Variants in CLCNKA observed in about 807,000 individuals in gnomAD.
CLCNKA encodes chloride voltage-gated channel Ka, also known as chloride channel protein ClC-Ka.
CLCNKA carries 66 observed loss-of-function variants against 83.3 expected under a neutral mutation model. The ratio of observed to expected loss-of-function variants is 0.79; its 90% CI spans 0.65 to 0.97. CLCNKA has a LOEUF of 0.97. Ranked by LOEUF, CLCNKA falls within the 50% of genes least tolerant of loss-of-function variation. CLCNKA has a pLI of 0.00. For synonymous variants in CLCNKA, 357 were observed against 370.4 expected (o/e 0.96, Z 0.42); for missense variants, 806 against 888.7 (o/e 0.91, Z 1.18).
Position 16,030,525 on chromosome 1 carries a change from G to T in CLCNKA, c.1473G>T (p.Leu491=). 1 of 1,613,118 alleles carries T rather than the reference G, an allele frequency of 6.2e-7. No homozygotes were observed. Among genetic ancestry groups the T allele is most frequent in the East Asian group, 2.2e-5 (1 of 44,882 alleles). The change falls in exon 15 of 20, where the codon CTG becomes CTT. Residue 491 remains leucine, a synonymous_variant. Coordinates refer to ENST00000331433, the MANE Select transcript of CLCNKA (RefSeq NM_004070.4). ...TISTALLAFE[L]TGQIVHALPV... ...CCACGGCGCTGCTGGCCTTTGAGCT[G>T]ACCGGCCAGATAGTGCATGCACTGC... is the stretch of plus-strand genomic sequence containing the variant.
intron 8 of CLCNKA, 46 bp from the exon 9 acceptor site, chr1:16,027,775 T>C (rs745988725): frequency 1.3e-6 from 2 of 1,530,298 alleles, no homozygotes; most frequent in African/African-American, 2.7e-5. Flanking sequence ...TGAGTTTGGG[T>C]CGGGTGGGAG....
chr1:16,032,619 G>A (rs1413135517), intron 18 of CLCNKA, 93 bp downstream of exon 18: 12 of 945,778 alleles, frequency 1.3e-5, no homozygotes, highest in African/African-American at 6.4e-5. Context: ...TCCCAACCCC[G>A]CCCCGCCCAT....
rs1459106431 is a variant in CLCNKA at position 16,024,904 on chromosome 1, T to C, written c.358+13T>C. 6 of 1,613,830 alleles carry C rather than the reference T, an allele frequency of 3.7e-6. No homozygotes were observed. The African/African-American group carries it at 8.0e-5, about 22-fold the overall frequency. ...CCCTCCTCTGGAGGTGAGTCCACGG[T>C]CGCCATGCCAGTCCCCAGTGCCAAA... On this transcript the variant is annotated intron_variant, in intron 4 of 19. Coordinates refer to ENST00000331433, the MANE Select transcript of CLCNKA (RefSeq NM_004070.4).
intron 4 of CLCNKA, 111 bp from the exon 5 acceptor site, chr1:16,025,980 TCCTGACCTCGCGATCCG>T: frequency 8.0e-7 from 1 of 1,246,202 alleles, no homozygotes; most frequent in South Asian, 1.2e-5. Flanking sequence ...GGTCTCGAAC[TCCTGACCTCGCGATCCG>T]CCTGCCTCGG....
rs757434753 is a variant in CLCNKA, at chr1:16,026,768, C to T, written c.648C>T (p.Pro216=). ...AVGVATVFAA[P]FSGVLFSIEV... is the part of the protein sequence containing the mutation. Reference sequence around the variant, plus strand: ...GCGTGGCCACAGTCTTTGCAGCTCCCTTCAGCGGTGAGACCCCCCTCATGC... The same window carrying T: ...GCGTGGCCACAGTCTTTGCAGCTCCTTTCAGCGGTGAGACCCCCCTCATGC... Residue 216 remains proline (P), a synonymous_variant, in exon 7 of 20, where the codon CCC becomes CCT. Transcript: ENST00000331433. 2.5e-6 allele frequency: 4 copies of T among 1,604,614 alleles called. No homozygotes were observed. The East Asian group carries it at 6.7e-5, about 27-fold the overall frequency.
intron 9 of CLCNKA, 27 bp downstream of exon 9, chr1:16,027,932 A>G: frequency 8.7e-6 from 14 of 1,613,886 alleles, no homozygotes; most frequent in Non-Finnish European, 1.2e-5. Flanking sequence ...GGCCCCTGAG[A>G]GTCCAAAAGG....
chr1:16,029,418 T>A, intron 12 of CLCNKA, 119 bp downstream of exon 12: 1 of 1,469,730 alleles, frequency 6.8e-7, no homozygotes, highest in East Asian at 2.4e-5. Flanking sequence ...CACTTCCTTC[T>A]GTGCCCCCTG....
chr1:16,024,155 C>G (rs1351884540), intron 3 of CLCNKA, among the ~76,000 whole-genome samples: 2 of 152,216 alleles, frequency 1.3e-5, no homozygotes, highest in East Asian at 1.9e-4. Flanking sequence ...TCCCAAGAGC[C>G]CTTCCTCCTC....
chr1:16,024,778 A>T lies in CLCNKA; in HGVS notation c.245A>T (p.Tyr82Phe), dbSNP rs374561249. 1 of 1,613,936 alleles carries T rather than the reference A, an allele frequency of 6.2e-7. No individual in the cohort carries two copies. Among genetic ancestry groups the T allele is most frequent in the Non-Finnish European group, 8.5e-7 (1 of 1,180,022 alleles). The change falls in exon 4 of 20, where the codon TAC becomes TTC. Residue 82 changes from tyrosine (Y) to phenylalanine (F), a missense_variant. Physicochemically the swap from Tyr to Phe is conservative, Grantham distance 22 (BLOSUM62 3). Coordinates refer to ENST00000331433, the MANE Select transcript of CLCNKA (RefSeq NM_004070.4). ...GCVVRAHQWLYREIGDSHLLR... is the reference protein window; with the variant it reads ...GCVVRAHQWLFREIGDSHLLR... The stretch of plus-strand genomic sequence containing the variant: ...CTGTCCCCAGCACACCAGTGGCTGT[A>T]CAGGGAGATTGGGGACAGCCACCTG...
chr1:16,032,492 C>T lies in CLCNKA; in HGVS notation c.1895C>T (p.Thr632Ile), dbSNP rs1330012507. ...AGGGGCTGCCCCACGGAACCAGTGA[C>T]CCTGACGCTATTCTCAGAGACCACC... is the stretch of plus-strand genomic sequence containing the variant. ...LARGCPTEPV[T>I]LTLFSETTLH... Residue 632 changes from threonine to isoleucine, a missense_variant, in exon 18 of 20, where the codon ACC becomes ATC. Coordinates refer to ENST00000331433, the MANE Select transcript of CLCNKA (RefSeq NM_004070.4). 3 of 1,613,300 alleles carry T rather than the reference C, an allele frequency of 1.9e-6. No homozygotes were observed. Among genetic ancestry groups the T allele is most frequent in the Admixed American group, 3.3e-5 (2 of 60,024 alleles).
intron 3 of CLCNKA, among the ~76,000 whole-genome samples, chr1:16,024,196 CG>C (rs2022255670): frequency 1.3e-5 from 2 of 152,236 alleles, no homozygotes; most frequent in Admixed American, 1.3e-4. Flanking sequence ...CCAGCCACCC[CG>C]TTCCTTCTCC....
rs9442216 is a variant in CLCNKA, at chr1:16,026,905, T to C, written c.655+130T>C. On this transcript the variant is annotated intron_variant, in intron 7 of 19. Coordinates refer to ENST00000331433, the MANE Select transcript of CLCNKA (RefSeq NM_004070.4). ...ATTCTTGTTCTCACTTCAGCCCCGC[T>C]TTGGGTATAGCCACCCCCCGGGGGC... 879,142 of 1,286,236 alleles carry C rather than the reference T, an allele frequency of 0.68. 303,533 individuals are homozygous for C. The highest frequency in any genetic ancestry group is 0.98 in the East Asian group (39,086 of 39,798). 79.7% of individuals were successfully genotyped at this position (1,286,236 alleles called of 1,614,324 possible).
rs1448765921 is a variant in CLCNKA at position 16,027,824 on chromosome 1, C to A, written c.785C>A (p.Thr262Asn). ...CCCCACTGCCCTCCTTCCCCAGAGACCATCACCTCCCTCTACAAGACCAGT... is the reference window on the plus strand; with the variant it reads ...CCCCACTGCCCTCCTTCCCCAGAGAACATCACCTCCCTCTACAAGACCAGT... ...LLAVFNSEQETITSLYKTSFR... is the reference protein window; with the variant it reads ...LLAVFNSEQENITSLYKTSFR... Residue 262 changes from threonine (T) to asparagine (N), a missense_variant, in exon 9 of 20, where the codon ACC (threonine) becomes AAC (asparagine). Coordinates refer to ENST00000331433, the MANE Select transcript of CLCNKA (RefSeq NM_004070.4). 2 of 1,609,922 alleles carry A rather than the reference C, an allele frequency of 1.2e-6. No homozygotes were observed. Among genetic ancestry groups the A allele is most frequent in the African/African-American group, 2.7e-5 (2 of 74,776 alleles).
Position 16,023,751 on chromosome 1 carries a change from C to A in CLCNKA, c.101-49C>A, listed in dbSNP as rs751691645. ...AGCAGACCTCCAGGGAAGGGGCTGT[C>A]TGTGCCCCTTGCCCCAACATAAGCT... On this transcript the variant is annotated intron_variant, in intron 2 of 19. Transcript: ENST00000331433. 1.9e-6 allele frequency: 3 copies of A among 1,610,714 alleles called. No homozygotes were observed. In the South Asian group the frequency reaches 3.3e-5, roughly 18 times the overall value.
intron 7 of CLCNKA, 125 bp downstream of exon 7, chr1:16,026,900 C>T: frequency 1.5e-6 from 2 of 1,354,864 alleles, no homozygotes; most frequent in South Asian, 1.2e-5. Flanking sequence ...TCACTTCAGC[C>T]CCGCTTTGGG....
intron 5 of CLCNKA, 52 bp downstream of exon 5, chr1:16,026,299 C>T: frequency 6.2e-7 from 1 of 1,601,776 alleles, no homozygotes; most frequent in Middle Eastern, 1.8e-4. Context: ...CTACCCTGCC[C>T]CAGCTCTCCC....
rs1433741172 is a variant in CLCNKA at position 16,030,510 on chromosome 1, G to C, written c.1458G>C (p.Leu486=). ...TGACCCACACCATCTCCACGGCGCT[G>C]CTGGCCTTTGAGCTGACCGGCCAGA... ...GAVTHTISTA[L]LAFELTGQIV... is the part of the protein sequence containing the mutation. The change falls in exon 15 of 20, where the codon CTG becomes CTC. Residue 486 remains leucine, a synonymous_variant. Transcript: ENST00000331433. 6.2e-7 allele frequency: 1 copy of C among 1,613,054 alleles called. No individual in the cohort carries two copies. The highest frequency in any genetic ancestry group is 1.7e-5 in the Admixed American group (1 of 60,028).
intron 10 of CLCNKA, 124 bp from the exon 11 acceptor site, chr1:16,028,637 G>T: frequency 1.6e-6 from 2 of 1,229,312 alleles, no homozygotes; most frequent in Non-Finnish European, 1.2e-6. Context: ...CTCCTCACCA[G>T]TCCTTGCCTC....
intron 8 of CLCNKA, 57 bp downstream of exon 8, chr1:16,027,492 C>T (rs2022416823): frequency 6.2e-7 from 1 of 1,603,448 alleles, no homozygotes; most frequent in African/African-American, 1.3e-5. Flanking sequence ...GCGAGGGAGA[C>T]CTCCCTTCTC....
Sources: allele counts gnomAD v4.1 joint callset (sites outside exome capture counted in the v4.1 genomes callset), GRCh38; gene constraint gnomAD v4.1.1; transcripts MANE v1.5; gene names NCBI Gene and HGNC (gene_info 2026-07-23, HGNC 2026-07-21).